Variants in SUGCT observed in about 807,000 individuals in gnomAD.
The protein encoded by SUGCT is succinyl-CoA:glutarate-CoA transferase.
SUGCT carries 41 observed loss-of-function variants against 55.0 expected under a neutral mutation model. That is an observed-to-expected ratio of 0.74 (90% CI 0.58 to 0.97). The LOEUF (loss-of-function observed/expected upper bound fraction) is 0.97. Ranked by LOEUF, SUGCT falls within the 50% of genes least tolerant of loss-of-function variation. The pLI is 0.00. For missense variants in SUGCT, 568 were observed against 547.8 expected (o/e 1.04, Z -0.37); for synonymous variants, 187 against 200.4 (o/e 0.93, Z 0.56).
intron 7 of SUGCT, among the ~76,000 whole-genome samples, chr7:40,249,321 A>ATATATATC (rs1562612028): frequency 4.6e-4 from 50 of 109,430 alleles, no homozygotes; most frequent in Non-Finnish European, 8.1e-4. Context: ...AGCTATATAT[A>ATATATATC]TATATATATA....
intron 13 of SUGCT, among the ~76,000 whole-genome samples, chr7:40,766,237 G>A (rs1484512239): frequency 2.6e-5 from 4 of 152,084 alleles, no homozygotes; most frequent in Non-Finnish European, 5.9e-5. Flanking sequence ...TAGAGACAGG[G>A]TCTCACACTG....
At chr7:40,906,231 A>G in the SUGCT span, among the ~76,000 whole-genome samples, 1 of 152,116 alleles carries the variant, frequency 6.6e-6, no homozygotes. Flanking sequence ...TTATGAACCA[A>G]TGCTATCCCT....
intron 13 of SUGCT, among the ~76,000 whole-genome samples, chr7:40,791,894 A>G (rs1232976254): frequency 6.6e-6 from 1 of 152,172 alleles, no homozygotes; most frequent in African/African-American, 2.4e-5. Flanking sequence ...CTACAAATAC[A>G]GTAACTATTT....
chr7:40,733,185 C>G (rs1786984715), intron 12 of SUGCT, among the ~76,000 whole-genome samples: 1 of 152,200 alleles, frequency 6.6e-6, no homozygotes, highest in Non-Finnish European at 1.5e-5. Flanking sequence ...ATTTTAGTTT[C>G]TATGTATTTC....
chr7:40,714,982 A>G (rs1785942343), intron 12 of SUGCT, among the ~76,000 whole-genome samples: 1 of 152,146 alleles, frequency 6.6e-6, no homozygotes, highest in Admixed American at 6.5e-5. Context: ...CATGTTCCTA[A>G]AACTCAGCGG....
intron 8 of SUGCT, among the ~76,000 whole-genome samples, chr7:40,314,552 CTTGTGTCTT>C (rs1443212179): frequency 7.9e-6 from 1 of 127,078 alleles, no homozygotes; most frequent in Non-Finnish European, 1.7e-5. Flanking sequence ...TATTGCATCC[CTTGTGTCTT>C]TTTTTTTTTT....
chr7:40,176,873 T>C (rs568710920), intron 1 of SUGCT, among the ~76,000 whole-genome samples: 1 of 147,768 alleles, frequency 6.8e-6, no homozygotes, highest in African/African-American at 2.5e-5. Flanking sequence ...CTTGGGAGGC[T>C]GAGGCAGGAG....
chr7:40,770,438 C>G (rs1789034927), intron 13 of SUGCT, among the ~76,000 whole-genome samples: 1 of 152,030 alleles, frequency 6.6e-6, no homozygotes, highest in South Asian at 2.1e-4. Context: ...CTTTGCAGTA[C>G]AAGATGGCAT....
chr7:40,251,113 G>C (rs1383826936), intron 7 of SUGCT, among the ~76,000 whole-genome samples: 2 of 152,154 alleles, frequency 1.3e-5, no homozygotes, highest in Non-Finnish European at 1.5e-5. Context: ...ACAGGTGTGA[G>C]CCACCATGTC....
intron 9 of SUGCT, among the ~76,000 whole-genome samples, chr7:40,321,383 GTTTT>G (rs1795737449): frequency 6.7e-6 from 1 of 148,198 alleles, no homozygotes; most frequent in South Asian, 2.1e-4. Context: ...AGCCATTTTT[GTTTT>G]ACTTTGTTTT....
intron 7 of SUGCT, among the ~76,000 whole-genome samples, chr7:40,247,341 C>T (rs574286569): frequency 9.9e-5 from 15 of 152,092 alleles, no homozygotes; most frequent in Non-Finnish European, 1.3e-4. Flanking sequence ...CTGCAACCTC[C>T]GCATCTTGGG....
chr7:40,784,227 G>A (rs1287488926), intron 13 of SUGCT, among the ~76,000 whole-genome samples: 1 of 152,070 alleles, frequency 6.6e-6, no homozygotes, highest in East Asian at 1.9e-4. Flanking sequence ...GGGGGTGAGG[G>A]GGGTAGTGAG....
At position 40,520,406 on chromosome 7, in the gene SUGCT, G is replaced by A. The variant is rs73308254; in HGVS notation, c.1089+24020G>A. On this transcript the variant is annotated intron_variant, in intron 12 of 13. Coordinates refer to ENST00000335693, the MANE Select transcript of SUGCT (RefSeq NM_001193313.2). ...ACTGTAATCTAGAGTAAGTCTGCCCGTGAAGCTTAGCTTCATGGTTTATGA... is the reference window on the plus strand; with the variant it reads ...ACTGTAATCTAGAGTAAGTCTGCCCATGAAGCTTAGCTTCATGGTTTATGA... 3.0e-3 allele frequency among the ~76,000 whole-genome samples: 456 copies of A among 152,104 alleles called. 1 individual carries two copies. The highest frequency in any genetic ancestry group is 0.01 in the Middle Eastern group (3 of 294).
At chr7:41,004,804 GAA>G in the SUGCT span, among the ~76,000 whole-genome samples, 672 of 151,256 alleles carry the variant, frequency 4.4e-3, 3 homozygotes, top group East Asian at 0.016. Context: ...TACCCTTGTG[GAA>G]AAAAAAAAAT....
At chr7:40,940,033 A>G in the SUGCT span, among the ~76,000 whole-genome samples, 3 of 152,174 alleles carry the variant, frequency 2.0e-5, no homozygotes, top group Admixed American at 1.3e-4. Context: ...ACTTTAATCC[A>G]ACTTGAGTTG....
chr7:40,259,847 T>C (rs576529166), intron 7 of SUGCT, among the ~76,000 whole-genome samples: 54 of 152,352 alleles, frequency 3.5e-4, no homozygotes, highest in Admixed American at 1.1e-3. Flanking sequence ...ACACTTTCAC[T>C]CATTTATTTA....
chr7:40,494,634 AC>A (rs1055456341), intron 11 of SUGCT, among the ~76,000 whole-genome samples: 12 of 152,212 alleles, frequency 7.9e-5, no homozygotes, highest in Non-Finnish European at 2.9e-5. Flanking sequence ...ATACTTAAAA[AC>A]AAAAATCAAT....
At chr7:40,894,059 GA>G in the SUGCT span, among the ~76,000 whole-genome samples, 22 of 146,396 alleles carry the variant, frequency 1.5e-4, no homozygotes, top group Middle Eastern at 3.6e-3. Flanking sequence ...GTCTTAAGAA[GA>G]AAAAAAAAAA....
At chr7:40,516,801 T>A (rs1793260750) in intron 12 of SUGCT, among the ~76,000 whole-genome samples, 1 of 152,138 alleles carries the variant, frequency 6.6e-6, no homozygotes, top group Non-Finnish European at 1.5e-5. Flanking sequence ...ATTGTTTTGT[T>A]TTTTTCTAGG....
Sources: allele counts gnomAD v4.1 joint callset (sites outside exome capture counted in the v4.1 genomes callset), GRCh38; gene constraint gnomAD v4.1.1; transcripts MANE v1.5; gene names NCBI Gene and HGNC (gene_info 2026-07-23, HGNC 2026-07-21).